The following DHRS7 variants were observed in gnomAD, a reference collection of about 807,000 sequenced individuals.
DHRS7 encodes the protein dehydrogenase/reductase 7.
A neutral mutation model predicts 38.9 loss-of-function variants in DHRS7; 34 were observed. The ratio of observed to expected loss-of-function variants is 0.87; its 90% CI spans 0.66 to 1.16. The LOEUF (loss-of-function observed/expected upper bound fraction) is 1.16. DHRS7 is among the 50% of genes most tolerant of loss of function. The probability of loss-of-function intolerance (pLI) is 0.00; values close to 1 mark genes in which losing one functional copy is unlikely to be tolerated. For missense variants in DHRS7, 421 were observed against 407.0 expected (o/e 1.03, Z -0.30); for synonymous variants, 158 against 153.1 (o/e 1.03, Z -0.24).
upstream of DHRS7, among the ~76,000 whole-genome samples, chr14:60,167,633 A>G (rs542173411): frequency 2.6e-5 from 4 of 152,364 alleles, no homozygotes; most frequent in South Asian, 8.3e-4. Context: ...AACTTTAAAA[A>G]TCCAGATCCT....
intron 1 of DHRS7, chr14:60,159,229 G>A: frequency 2.7e-6 from 1 of 372,166 alleles, no homozygotes; most frequent in South Asian, 2.2e-5. Context: ...AAAATCTCAA[G>A]CTAAAATCAG....
rs185212701 is a variant in DHRS7, at chr14:60,161,254, G to A, written c.133+3923C>T. 3.4e-4 allele frequency among the ~76,000 whole-genome samples: 52 copies of A among 152,284 alleles called. 1 individual carries two copies. Among genetic ancestry groups the A allele is most frequent in the Non-Finnish European group, 6.6e-4 (45 of 68,026 alleles). On this transcript the variant is annotated intron_variant, in intron 1 of 6. Transcript: ENST00000557185. This position sits in a 1 kb window ranked among gnomAD's most constrained non-coding sequence, Gnocchi z 4.2. ...CCACTAATATAGCTTATGGTTATTA[G>A]AGCTGGGCTACCTTTAATCATGGAA...
intron 2 of DHRS7, among the ~76,000 whole-genome samples, chr14:60,154,287 C>CTA (rs1454628622): frequency 6.6e-6 from 1 of 151,874 alleles, no homozygotes; most frequent in Non-Finnish European, 1.5e-5. Context: ...AATATGCAGT[C>CTA]TAACTTTACA....
Position 60,148,497 on chromosome 14 carries a change from A to G in DHRS7, c.972+856T>C, listed in dbSNP as rs381521. 0.27 allele frequency among the ~76,000 whole-genome samples: 41,416 copies of G among 152,104 alleles called. 7,668 individuals carry two copies. Among genetic ancestry groups the G allele is most frequent in the African/African-American group, 0.52 (21,508 of 41,446 alleles). On this transcript the variant is annotated intron_variant, in intron 6 of 6. Coordinates refer to ENST00000557185, the MANE Select transcript of DHRS7 (RefSeq NM_016029.4). The surrounding 1 kb of genome is among the most constrained non-coding windows in gnomAD (Gnocchi z 4.8). ...AATGGTTAATAGTATTCCCTGACTA[A>G]TTGCTATAAAGAATGAGTGCTGAAA...
intron 2 of DHRS7, among the ~76,000 whole-genome samples, chr14:60,154,403 C>T (rs940025241): frequency 1.3e-5 from 2 of 151,918 alleles, no homozygotes; most frequent in African/African-American, 4.8e-5. Flanking sequence ...TTGTGATAGG[C>T]TCACAAAGAT....
At chr14:60,150,757 A>G (rs1390350653) in intron 4 of DHRS7, among the ~76,000 whole-genome samples, 1 of 152,174 alleles carries the variant, frequency 6.6e-6, no homozygotes, top group African/African-American at 2.4e-5. Context: ...TGCTATTGTG[A>G]ATAGTGTATA....
intron 4 of DHRS7, among the ~76,000 whole-genome samples, chr14:60,151,595 CCT>C (rs904612686): frequency 6.6e-6 from 1 of 151,670 alleles, no homozygotes. Context: ...TAACCTTCTG[CCT>C]CTCTGTAGCA....
At position 60,144,789 on chromosome 14, in the gene DHRS7, A is replaced by T; in HGVS notation, c.*177T>A. ...TATGAGTTAATACCTTTTTTGCAAG[A>T]TTCATGGCAATCTTTTATTATTTAT... On this transcript the variant is annotated 3_prime_UTR_variant, in exon 7 of 7. Transcript: ENST00000557185. 1 of 614,096 alleles carries T rather than the reference A, an allele frequency of 1.6e-6. No individual in the cohort carries two copies. Among genetic ancestry groups the T allele is most frequent in the African/African-American group, 1.9e-5 (1 of 52,696 alleles). 38.0% of individuals were successfully genotyped at this position (614,096 alleles called of 1,614,324 possible). A position where few individuals can be genotyped will look rare whatever the true frequency, so the allele number is the denominator to read the frequency against.
Position 60,146,211 on chromosome 14 carries a change from A to AT in DHRS7, c.973-1199dup, listed in dbSNP as rs1018498685. On this transcript the variant is annotated intron_variant, in intron 6 of 6. Transcript: ENST00000557185. The surrounding 1 kb of genome is among the most constrained non-coding windows in gnomAD (Gnocchi z 4.9). ...TGGTGGTAGGAAGAAAAAGGCTGTC[A>AT]TTTTTTTAGAAAAACCTAGATGTAA... 1.3e-5 allele frequency: 2 copies of AT among 151,932 alleles called. No homozygotes were observed. The highest frequency in any genetic ancestry group is 4.8e-5 in the African/African-American group (2 of 41,394). 9.4% of individuals were successfully genotyped at this position (151,932 alleles called of 1,614,324 possible).
At chr14:60,154,596 G>C (rs1490494567) in intron 2 of DHRS7, among the ~76,000 whole-genome samples, 2 of 152,118 alleles carry the variant, frequency 1.3e-5, no homozygotes, top group African/African-American at 4.8e-5. Flanking sequence ...TTTGTGATTG[G>C]CTTTCTGTTC....
Position 60,149,506 on chromosome 14 carries a change from C to A in DHRS7, c.819G>T (p.Met273Ile). ...TCAAATCATTGGCCATGCTGATTAA[C>A]ATCAGCCGCACACAACGACTGGTTG... ...KMTTSRCVRL[M>I]LISMANDLKE... Residue 273 changes from methionine (M) to isoleucine (I), a missense_variant, in exon 6 of 7, where the codon ATG (methionine) becomes ATT (isoleucine). Coordinates refer to ENST00000557185, the MANE Select transcript of DHRS7 (RefSeq NM_016029.4). The A allele has an allele frequency of 6.2e-7, 1 of 1,614,094 alleles. No homozygotes were observed. Among genetic ancestry groups the A allele is most frequent in the Non-Finnish European group, 8.5e-7 (1 of 1,179,962 alleles).
chr14:60,163,298 T>A (rs1896800573), intron 1 of DHRS7, among the ~76,000 whole-genome samples: 1 of 152,202 alleles, frequency 6.6e-6, no homozygotes, highest in Non-Finnish European at 1.5e-5. Flanking sequence ...AACTTCTAAC[T>A]TTATAACTGT....
At position 60,150,050 on chromosome 14, in the gene DHRS7, A is replaced by G. The variant is rs1896503556; in HGVS notation, c.756+15T>C. 1 of 1,596,542 alleles carries G rather than the reference A, an allele frequency of 6.3e-7. No individual in the cohort carries two copies. Among genetic ancestry groups the G allele is most frequent in the South Asian group, 1.1e-5 (1 of 87,176 alleles). On this transcript the variant is annotated intron_variant, in intron 5 of 6. Transcript: ENST00000557185. ...CTAGTAAACATTCAAATTATTCCCAACTAGAAATTTTTACCTTTGTGACTT... is the reference window on the plus strand; with the variant it reads ...CTAGTAAACATTCAAATTATTCCCAGCTAGAAATTTTTACCTTTGTGACTT...
chr14:60,169,346 T>G (rs1435211783), upstream of DHRS7, among the ~76,000 whole-genome samples: 1 of 152,110 alleles, frequency 6.6e-6, no homozygotes, highest in Non-Finnish European at 1.5e-5. Flanking sequence ...CACCATGTAT[T>G]TCCCTCCCAG....
upstream of DHRS7, chr14:60,168,911 T>A: frequency 1.2e-6 from 1 of 852,852 alleles, no homozygotes; most frequent in Non-Finnish European, 1.7e-6. Flanking sequence ...TTAGTCTAAC[T>A]AACCCATTGA....
chr14:60,151,795 CCA>C (rs1204148686), intron 4 of DHRS7, among the ~76,000 whole-genome samples: 1 of 152,142 alleles, frequency 6.6e-6, no homozygotes, highest in East Asian at 1.9e-4. Context: ...TCTCAACCTG[CCA>C]CATTTTATCA....
chr14:60,147,204 C>T (rs1353945560), intron 6 of DHRS7: 1 of 152,018 alleles, frequency 6.6e-6, no homozygotes, highest in East Asian at 1.9e-4. Flanking sequence ...CTGCAGACTC[C>T]AGCCTGGGTG....
At chr14:60,159,209 G>A in intron 1 of DHRS7, 1 of 364,870 alleles carries the variant, frequency 2.7e-6, no homozygotes, top group Non-Finnish European at 5.5e-6. Context: ...AGGAGATGCG[G>A]TTACGGAAGA....
Position 60,165,343 on chromosome 14 carries a change from G to C in DHRS7, c.-34C>G, listed in dbSNP as rs1421612535. On this transcript the variant is annotated 5_prime_UTR_variant, in exon 1 of 7. Coordinates refer to ENST00000557185, the MANE Select transcript of DHRS7 (RefSeq NM_016029.4). The surrounding 1 kb of genome is among the most constrained non-coding windows in gnomAD (Gnocchi z 4.6). ...CGCACGCCCAGCTCGGGGGGAAGAA[G>C]ACGGCCCGCACCAGAGTCGCGTCGC... The C allele has an allele frequency of 3.9e-6, 6 of 1,553,430 alleles. No individual in the cohort carries two copies. The highest frequency in any genetic ancestry group is 5.2e-6 in the Non-Finnish European group (6 of 1,154,326).
Sources: gnomAD v4.1 joint callset for allele counts (sites outside exome capture counted in the v4.1 genomes callset) on GRCh38, gnomAD v4.1.1 for gene constraint, Gnocchi (gnomAD v3.1) non-coding constraint, MANE v1.5 for transcripts, NCBI Gene and HGNC (gene_info 2026-07-23, HGNC 2026-07-21) for gene names.